Variants in PALM2AKAP2 observed in about 807,000 individuals in gnomAD.
The protein encoded by PALM2AKAP2 is PALM2 and AKAP2 fusion, also known as PALM2-AKAP2 fusion protein.
PALM2AKAP2 carries 37 observed loss-of-function variants against 71.5 expected under a neutral mutation model. That is an observed-to-expected ratio of 0.52 (90% CI 0.40 to 0.68). The LOEUF is 0.68. Ranked by LOEUF, PALM2AKAP2 falls within the 30% of genes least tolerant of loss-of-function variation. PALM2AKAP2 has a pLI of 0.00. For synonymous variants in PALM2AKAP2, 468 were observed against 478.8 expected, an observed-to-expected ratio of 0.98 and a Z score of 0.29; for missense variants, 1,224 against 1,191.8, an observed-to-expected ratio of 1.03 and a Z score of -0.40.
chr9:109,726,689 C>T (rs1401515659), intron 1 of PALM2AKAP2, among the ~76,000 whole-genome samples: 1 of 152,178 alleles, frequency 6.6e-6, no homozygotes, highest in Non-Finnish European at 1.5e-5. Flanking sequence ...ATAGCTTACT[C>T]TCCCAAAGAA....
upstream of PALM2AKAP2, among the ~76,000 whole-genome samples, chr9:109,776,185 T>C (rs1027669242): frequency 6.6e-6 from 1 of 152,214 alleles, no homozygotes; most frequent in Non-Finnish European, 1.5e-5. Flanking sequence ...ATTAAATAAA[T>C]AGCATAGTTT....
chr9:109,920,675 G>A (rs1347580719), intron 3 of PALM2AKAP2, among the ~76,000 whole-genome samples: 1 of 151,854 alleles, frequency 6.6e-6, no homozygotes, highest in Non-Finnish European at 1.5e-5. Context: ...CATCGCAACC[G>A]GCCCAAGAAT....
intron 6 of PALM2AKAP2, among the ~76,000 whole-genome samples, chr9:109,964,184 G>A (rs1166290528): frequency 6.6e-6 from 1 of 152,260 alleles, no homozygotes; most frequent in Non-Finnish European, 1.5e-5. Context: ...CCAAGCCCCA[G>A]AAATGTTCGG....
intron 1 of PALM2AKAP2, among the ~76,000 whole-genome samples, chr9:109,821,247 G>A (rs946162106): frequency 5.9e-5 from 9 of 152,018 alleles, no homozygotes; most frequent in African/African-American, 2.2e-4. Flanking sequence ...CGAGTTAATG[G>A]GTGCAGCACA....
At chr9:109,759,898 A>G (rs1829024297) in intron 1 of PALM2AKAP2, among the ~76,000 whole-genome samples, 2 of 152,182 alleles carry the variant, frequency 1.3e-5, no homozygotes, top group African/African-American at 4.8e-5. Context: ...AAGTAAGGTT[A>G]TTGTGGTGTA....
intron 1 of PALM2AKAP2, among the ~76,000 whole-genome samples, chr9:109,747,131 A>G (rs1351549768): frequency 1.3e-5 from 2 of 152,152 alleles, no homozygotes; most frequent in South Asian, 2.1e-4. Flanking sequence ...CAATATTTCT[A>G]TGGTTTTATA....
At chr9:109,922,904 G>C (rs572443444) in intron 3 of PALM2AKAP2, among the ~76,000 whole-genome samples, 1 of 152,114 alleles carries the variant, frequency 6.6e-6, no homozygotes, top group African/African-American at 2.4e-5. Flanking sequence ...TGATCTCATC[G>C]GTAAAATGGG....
intron 6 of PALM2AKAP2, among the ~76,000 whole-genome samples, chr9:109,942,478 A>C (rs949478539): frequency 6.6e-6 from 1 of 152,250 alleles, no homozygotes; most frequent in Non-Finnish European, 1.5e-5. Context: ...GCAACCGTGC[A>C]TCTGTCTTCC....
chr9:110,148,298 C>G (rs1393658334), intron 2 of PALM2AKAP2, among the ~76,000 whole-genome samples: 1 of 152,164 alleles, frequency 6.6e-6, no homozygotes, highest in Non-Finnish European at 1.5e-5. Flanking sequence ...AACCCAATAT[C>G]AGCAACTCAT....
intron 1 of PALM2AKAP2, among the ~76,000 whole-genome samples, chr9:110,064,711 A>G (rs1180149727): frequency 6.6e-6 from 1 of 152,086 alleles, no homozygotes; most frequent in East Asian, 1.9e-4. Flanking sequence ...AAGCTGTCAC[A>G]CTTCTCAGTA....
intron 5 of PALM2AKAP2, among the ~76,000 whole-genome samples, chr9:109,927,364 A>C (rs551135711): frequency 1.3e-5 from 2 of 152,308 alleles, no homozygotes; most frequent in Non-Finnish European, 2.9e-5. Flanking sequence ...ACCCTCTTAG[A>C]ATCATCCAAC....
At chr9:110,063,002 C>T (rs1588085885) in intron 1 of PALM2AKAP2, among the ~76,000 whole-genome samples, 1 of 152,286 alleles carries the variant, frequency 6.6e-6, no homozygotes, top group Non-Finnish European at 1.5e-5. Flanking sequence ...CGCAGTCACC[C>T]AGGCCCTGCC....
intron 1 of PALM2AKAP2, among the ~76,000 whole-genome samples, chr9:109,762,779 A>T (rs1315451606): frequency 1.3e-5 from 2 of 152,230 alleles, no homozygotes; most frequent in Non-Finnish European, 2.9e-5. Context: ...GGAGAATGAC[A>T]TAGACAAGTG....
intron 1 of PALM2AKAP2, among the ~76,000 whole-genome samples, chr9:110,061,541 C>G (rs1442382264): frequency 6.6e-6 from 1 of 151,166 alleles, no homozygotes; most frequent in Non-Finnish European, 1.5e-5. Context: ...GGCCCTATTT[C>G]CAGTGTCATA....
In PALM2AKAP2 at chr9:109,749,149, C is replaced by T. The variant is rs141496301; in HGVS notation, c.6-31339C>T. Among the ~76,000 whole-genome samples, 1,283 of 152,202 alleles carry T rather than the reference C, an allele frequency of 8.4e-3. 24 individuals carry two copies. Among genetic ancestry groups the T allele is most frequent in the African/African-American group, 0.03 (1,227 of 41,524 alleles). ...AGCCTTAAACATGAGGCGATAGAAG[C>T]GGCTCTTGTATTTCTGTCTTTAGTC... On this transcript the variant is annotated intron_variant, in intron 1 of 6. Transcript: ENST00000374531.
At chr9:109,957,063 T>C (rs765506298) in intron 6 of PALM2AKAP2, among the ~76,000 whole-genome samples, 2 of 152,230 alleles carry the variant, frequency 1.3e-5, no homozygotes, top group Non-Finnish European at 2.9e-5. Context: ...GTGCCTGTCA[T>C]GCTGTTCCTT....
At chr9:109,793,510 G>A (rs533269161) in intron 1 of PALM2AKAP2, among the ~76,000 whole-genome samples, 5 of 152,338 alleles carry the variant, frequency 3.3e-5, no homozygotes, top group South Asian at 2.1e-4. Context: ...TTGGTGGAGA[G>A]TGGTGTGATG....
chr9:109,681,257 A>C lies in PALM2AKAP2; in HGVS notation c.5+40391A>C, dbSNP rs1056265967. On this transcript the variant is annotated intron_variant, in intron 1 of 6. Transcript: ENST00000374531. ...CCACACATCATTTGTACAGCTTTTT[A>C]ACATCCTGTTAGATAGGAAAGAGAG... Among the ~76,000 whole-genome samples the C allele has an allele frequency of 3.3e-5, 5 of 152,362 alleles. No individual in the cohort carries two copies. In the East Asian group the frequency reaches 9.6e-4, roughly 29 times the overall value.
chr9:109,749,705 G>A (rs1306858430), intron 1 of PALM2AKAP2, among the ~76,000 whole-genome samples: 1 of 152,128 alleles, frequency 6.6e-6, no homozygotes, highest in African/African-American at 2.4e-5. Flanking sequence ...TCAGATGTGT[G>A]ATCTCCATCT....
Sources: gnomAD v4.1 joint callset for allele counts (sites outside exome capture counted in the v4.1 genomes callset) on GRCh38, gnomAD v4.1.1 for gene constraint, MANE v1.5 for transcripts, NCBI Gene and HGNC (gene_info 2026-07-23, HGNC 2026-07-21) for gene names.